The following SLC9C1 variants were observed in gnomAD, a reference collection of about 807,000 sequenced individuals.
SLC9C1 encodes the protein solute carrier family 9 member C1, also known as sodium/hydrogen exchanger 10.
Under a neutral mutation model 140.9 loss-of-function variants are expected in SLC9C1, and 97 were observed. The ratio of observed to expected loss-of-function variants is 0.69; its 90% CI spans 0.58 to 0.82. SLC9C1 has a LOEUF of 0.82. Among genes scored for constraint, SLC9C1 ranks in the 40% least tolerant of loss-of-function variants. SLC9C1 has a pLI of 0.00. For synonymous variants in SLC9C1, 440 were observed against 442.6 expected (o/e 0.99, Z 0.07); for missense variants, 1,340 against 1,389.3 (o/e 0.96, Z 0.56).
intron 6 of SLC9C1, among the ~76,000 whole-genome samples, chr3:112,271,361 C>T (rs182262898): frequency 3.8e-4 from 47 of 124,762 alleles, no homozygotes; most frequent in Admixed American, 1.3e-3. Context: ...AATGAGGTGA[C>T]GTTAATTAGT....
chr3:112,178,850 C>A (rs1030150648), intron 23 of SLC9C1, among the ~76,000 whole-genome samples: 23 of 152,172 alleles, frequency 1.5e-4, no homozygotes, highest in East Asian at 1.2e-3. Flanking sequence ...TCTCATTCTG[C>A]GTTCATTAGC....
At chr3:112,287,209 G>A (rs1418074596) in intron 1 of SLC9C1, among the ~76,000 whole-genome samples, 1 of 152,190 alleles carries the variant, frequency 6.6e-6, no homozygotes, top group Non-Finnish European at 1.5e-5. Flanking sequence ...ACAAGCTGGT[G>A]CAGGTTACTT....
At chr3:112,220,669 C>A (rs572667001) in intron 14 of SLC9C1, among the ~76,000 whole-genome samples, 1 of 151,932 alleles carries the variant, frequency 6.6e-6, no homozygotes, top group African/African-American at 2.4e-5. Context: ...TTTTGGAGAC[C>A]TATATCTAAA....
At chr3:112,188,235 AT>A (rs1427110718) in intron 20 of SLC9C1, among the ~76,000 whole-genome samples, 12 of 151,976 alleles carry the variant, frequency 7.9e-5, no homozygotes, top group Admixed American at 3.3e-4. Context: ...TAAAGTTTTA[AT>A]TTTTTTATTA....
chr3:112,231,604 A>G (rs1210380910), intron 12 of SLC9C1, 118 bp from the exon 13 acceptor site: 3 of 945,364 alleles, frequency 3.2e-6, no homozygotes, highest in Non-Finnish European at 4.7e-6. Context: ...AATCTGGTAG[A>G]TAAGAAAAAT....
At chr3:112,210,860 A>G (rs2078182118) in intron 15 of SLC9C1, among the ~76,000 whole-genome samples, 1 of 152,190 alleles carries the variant, frequency 6.6e-6, no homozygotes. Flanking sequence ...AAGACAGGAA[A>G]AAAACCCTTT....
At chr3:112,238,114 CT>C (rs1426361041) in intron 12 of SLC9C1, among the ~76,000 whole-genome samples, 2 of 152,184 alleles carry the variant, frequency 1.3e-5, no homozygotes, top group African/African-American at 4.8e-5. Flanking sequence ...TAGATTTGGT[CT>C]TTTCACATAG....
chr3:112,151,304 GTTCCCCAAAGGTCTTGCT>G (rs1345808968), intron 28 of SLC9C1: 1 of 517,786 alleles, frequency 1.9e-6, no homozygotes, highest in African/African-American at 1.9e-5. Flanking sequence ...CCTCCTCATT[GTTCCCCAAAGGTCTTGCT>G]TTCTTTTATC....
chr3:112,201,767 T>C (rs1447284067), intron 18 of SLC9C1, among the ~76,000 whole-genome samples: 1 of 152,028 alleles, frequency 6.6e-6, no homozygotes, highest in East Asian at 1.9e-4. Context: ...CTATTTTAAT[T>C]ATTGTTTTCT....
At chr3:112,196,969 A>T (rs974950441) in intron 20 of SLC9C1, among the ~76,000 whole-genome samples, 1 of 148,406 alleles carries the variant, frequency 6.7e-6, no homozygotes, top group Non-Finnish European at 1.5e-5. Context: ...AAAAAAAAAA[A>T]CTGAATTTGA....
intron 13 of SLC9C1, 82 bp from the exon 14 acceptor site, chr3:112,221,307 AT>A (rs1371919042): frequency 8.6e-7 from 1 of 1,161,798 alleles, no homozygotes; most frequent in East Asian, 2.5e-5. Context: ...AAAATGTGTG[AT>A]AAAGAAGTAA....
chr3:112,279,240 C>G (rs1357033169), intron 3 of SLC9C1, among the ~76,000 whole-genome samples: 5 of 152,086 alleles, frequency 3.3e-5, no homozygotes, highest in African/African-American at 7.2e-5. Flanking sequence ...AGATAATTCT[C>G]CATGTGTCTC....
chr3:112,209,370 C>T (rs1488887727), intron 15 of SLC9C1, among the ~76,000 whole-genome samples: 1 of 152,166 alleles, frequency 6.6e-6, no homozygotes, highest in Admixed American at 6.5e-5. Flanking sequence ...CTCCAGTCTG[C>T]TTTTCTTGAT....
chr3:112,171,167 T>C (rs62277475), intron 23 of SLC9C1, among the ~76,000 whole-genome samples: 19 of 151,960 alleles, frequency 1.3e-4, no homozygotes, highest in Non-Finnish European at 2.1e-4. Context: ...TGAGCTGAGA[T>C]TGGGAGCCAT....
At chr3:112,234,877 T>C (rs559933209) in intron 12 of SLC9C1, among the ~76,000 whole-genome samples, 10 of 152,244 alleles carry the variant, frequency 6.6e-5, no homozygotes, top group Non-Finnish European at 1.2e-4. Flanking sequence ...TTGGTTAGTG[T>C]AGCCTTGTAG....
intron 21 of SLC9C1, among the ~76,000 whole-genome samples, chr3:112,181,825 G>A (rs1364502202): frequency 2.0e-5 from 3 of 151,668 alleles, no homozygotes; most frequent in East Asian, 3.9e-4. Flanking sequence ...TTCAAGAAAA[G>A]TAAATAGCAC....
intron 27 of SLC9C1, among the ~76,000 whole-genome samples, chr3:112,153,080 G>A (rs1035949143): frequency 3.9e-5 from 6 of 152,154 alleles, no homozygotes; most frequent in African/African-American, 1.4e-4. Flanking sequence ...TTAGGATCCT[G>A]GGAAGAGAAC....
chr3:112,252,539 C>A (rs1041955265), intron 10 of SLC9C1, among the ~76,000 whole-genome samples: 2 of 152,088 alleles, frequency 1.3e-5, no homozygotes, highest in Non-Finnish European at 2.9e-5. Context: ...GACAGAATGC[C>A]TTTTTATGCA....
At chr3:112,231,696 A>C (rs1425863731) in intron 12 of SLC9C1, among the ~76,000 whole-genome samples, 1 of 152,138 alleles carries the variant, frequency 6.6e-6, no homozygotes, top group East Asian at 1.9e-4. Context: ...TTTTGCGGGG[A>C]GGAGTTATAT....
Sources: gnomAD v4.1 joint callset for allele counts (sites outside exome capture counted in the v4.1 genomes callset) on GRCh38, gnomAD v4.1.1 for gene constraint, MANE v1.5 for transcripts, NCBI Gene and HGNC (gene_info 2026-07-23, HGNC 2026-07-21) for gene names.